Variants in VRK2 observed in about 807,000 individuals in gnomAD.
VRK2 encodes the protein serine/threonine-protein kinase VRK2.
In VRK2, 60 loss-of-function variants were observed where a neutral mutation model predicts 57.6. The observed-to-expected ratio is 1.04, with a 90% CI of 0.85 to 1.29. The LOEUF is 1.29. VRK2 is among the 50% of genes most tolerant of loss of function. VRK2 has a pLI of 0.00. For missense variants in VRK2, 705 were observed against 588.1 expected (o/e 1.20, Z -2.06); for synonymous variants, 231 against 199.2 (o/e 1.16, Z -1.35).
intron 1 of VRK2, among the ~76,000 whole-genome samples, chr2:57,941,158 T>C (rs1035218405): frequency 6.6e-6 from 1 of 152,204 alleles, no homozygotes; most frequent in African/African-American, 2.4e-5. Flanking sequence ...CACAAAGCTG[T>C]GGATAATCCT....
At chr2:58,147,790 TTCAC>T (rs1682381416) in intron 12 of VRK2, among the ~76,000 whole-genome samples, 1 of 141,154 alleles carries the variant, frequency 7.1e-6, no homozygotes, top group South Asian at 2.2e-4. Context: ...CCTGGCTTCT[TTCAC>T]TCAGTGTTTT....
intron 1 of VRK2, among the ~76,000 whole-genome samples, chr2:57,981,018 G>C (rs2104049345): frequency 6.6e-6 from 1 of 152,194 alleles, no homozygotes; most frequent in South Asian, 2.1e-4. Flanking sequence ...GAAGCACTTA[G>C]CCCACTTACA....
intron 1 of VRK2, among the ~76,000 whole-genome samples, chr2:57,924,498 C>A (rs528665707): frequency 6.6e-6 from 1 of 152,028 alleles, no homozygotes; most frequent in Admixed American, 6.6e-5. Flanking sequence ...AGATTAATTT[C>A]TTGACTCCTT....
At chr2:58,105,651 A>G (rs990555913) in intron 7 of VRK2, among the ~76,000 whole-genome samples, 1 of 150,356 alleles carries the variant, frequency 6.7e-6, no homozygotes, top group Non-Finnish European at 1.5e-5. Flanking sequence ...TTTTTTTTTC[A>G]GTTAGTGTGG....
At position 58,122,541 on chromosome 2, in the gene VRK2, G is replaced by T. The variant is rs559665559; in HGVS notation, c.544-560G>T. Among the ~76,000 whole-genome samples the T allele has an allele frequency of 1.5e-3, 225 of 152,312 alleles. 2 individuals carry two copies. The highest frequency in any genetic ancestry group is 5.3e-3 in the African/African-American group (220 of 41,558). ...TTAAGTGGAAGTGGATCATCATGAAGGTCTTCATCGTCTTCACGTTGAGTA... is the reference window on the plus strand; with the variant it reads ...TTAAGTGGAAGTGGATCATCATGAATGTCTTCATCGTCTTCACGTTGAGTA... On this transcript the variant is annotated intron_variant, in intron 7 of 12. Transcript: ENST00000340157.
At chr2:58,013,845 C>A (rs1383045012) in intron 1 of VRK2, among the ~76,000 whole-genome samples, 1 of 114,790 alleles carries the variant, frequency 8.7e-6, no homozygotes, top group Non-Finnish European at 1.6e-5. Context: ...GGCGACAGAA[C>A]GAGACTCCGT....
chr2:58,139,069 G>A (rs1384413984), intron 10 of VRK2, among the ~76,000 whole-genome samples: 1 of 152,086 alleles, frequency 6.6e-6, no homozygotes, highest in Admixed American at 6.6e-5. Context: ...TCCTCCCACT[G>A]CTCTAAAATC....
rs1572839642 is a variant in VRK2 at position 58,047,923 on chromosome 2, C to T, written c.-5-904C>T. 2.0e-5 allele frequency among the ~76,000 whole-genome samples: 3 copies of T among 152,310 alleles called. 1 individual carries two copies. In the South Asian group the frequency reaches 6.2e-4, roughly 32 times the overall value. On this transcript the variant is annotated intron_variant, in intron 1 of 12. Coordinates refer to ENST00000340157, the MANE Select transcript of VRK2 (RefSeq NM_006296.7). ...AGAAAACTTTACATTTACGTATATA[C>T]GTTTTTAATTAACTTTCATGTCAGA... is the stretch of plus-strand genomic sequence containing the variant.
chr2:58,051,298 T>C (rs544160545), intron 2 of VRK2, among the ~76,000 whole-genome samples: 3 of 152,220 alleles, frequency 2.0e-5, no homozygotes, highest in African/African-American at 7.2e-5. Flanking sequence ...GGAAGGACTT[T>C]AAAGAAATAT....
intron 7 of VRK2, among the ~76,000 whole-genome samples, chr2:58,097,301 C>T (rs1474534047): frequency 1.3e-5 from 2 of 151,728 alleles, no homozygotes; most frequent in Non-Finnish European, 2.9e-5. Flanking sequence ...CCTTGTTCTC[C>T]TATAGTTTTT....
At chr2:58,073,393 A>G (rs1669617299) in intron 2 of VRK2, among the ~76,000 whole-genome samples, 1 of 151,836 alleles carries the variant, frequency 6.6e-6, no homozygotes, top group African/African-American at 2.4e-5. Context: ...TCAATTACTG[A>G]TGGAAGTGTG....
At chr2:58,119,879 A>G (rs1677156848) in intron 7 of VRK2, among the ~76,000 whole-genome samples, 1 of 151,776 alleles carries the variant, frequency 6.6e-6, no homozygotes, top group African/African-American at 2.4e-5. Flanking sequence ...GAGGGTGGGG[A>G]TGGATGGTTG....
In VRK2 at chr2:58,159,459, G is replaced by C. The variant is rs1352314776; in HGVS notation, c.1293G>C (p.Glu431Asp). The C allele has an allele frequency of 6.2e-7, 1 of 1,613,416 alleles. No individual in the cohort carries two copies. Among genetic ancestry groups the C allele is most frequent in the African/African-American group, 1.3e-5 (1 of 74,862 alleles). ...SYTQFPNSFY[E>D]PHQDFTSPDI... ...CACAATTCCCAAACTCATTTTATGA[G>C]CCTCATCAAGATTTTACCAGTCCAG... Residue 431 changes from glutamate to aspartate, a missense_variant, in exon 13 of 13, where the codon GAG becomes GAC. Coordinates refer to ENST00000340157, the MANE Select transcript of VRK2 (RefSeq NM_006296.7).
At chr2:58,091,571 G>A (rs1242489524) in intron 7 of VRK2, among the ~76,000 whole-genome samples, 1 of 151,818 alleles carries the variant, frequency 6.6e-6, no homozygotes, top group African/African-American at 2.4e-5. Flanking sequence ...TAGAAAAAAT[G>A]TAATTGAATA....
intron 7 of VRK2, among the ~76,000 whole-genome samples, chr2:58,115,495 C>G (rs919726416): frequency 6.6e-6 from 1 of 152,136 alleles, no homozygotes; most frequent in South Asian, 2.1e-4. Flanking sequence ...ATTAAAGCAG[C>G]GGCAGCCGCT....
intron 2 of VRK2, among the ~76,000 whole-genome samples, chr2:58,081,372 A>G (rs747921239): frequency 1.3e-5 from 2 of 152,168 alleles, no homozygotes; most frequent in African/African-American, 4.8e-5. Context: ...AGATGTTAAC[A>G]TATGAAAAAA....
chr2:57,930,116 C>A (rs1194279977), intron 1 of VRK2, among the ~76,000 whole-genome samples: 2 of 152,056 alleles, frequency 1.3e-5, no homozygotes, highest in Non-Finnish European at 2.9e-5. Flanking sequence ...GCCCCAAGCC[C>A]AGCACAGCAC....
At chr2:58,130,672 G>C (rs897005842) in intron 8 of VRK2, among the ~76,000 whole-genome samples, 1 of 152,146 alleles carries the variant, frequency 6.6e-6, no homozygotes, top group African/African-American at 2.4e-5. Flanking sequence ...TAACTTTTCA[G>C]AGTTTATTTC....
chr2:57,965,080 C>T (rs566195230), intron 1 of VRK2, among the ~76,000 whole-genome samples: 1 of 152,214 alleles, frequency 6.6e-6, no homozygotes, highest in African/African-American at 2.4e-5. Flanking sequence ...ATGCACCTAA[C>T]ATTAAGTTGG....
Sources: gnomAD v4.1 joint callset for allele counts (sites outside exome capture counted in the v4.1 genomes callset) on GRCh38, gnomAD v4.1.1 for gene constraint, MANE v1.5 for transcripts, NCBI Gene and HGNC (gene_info 2026-07-23, HGNC 2026-07-21) for gene names.